Variants in STK32C observed in about 807,000 individuals in gnomAD.
STK32C encodes the protein serine/threonine-protein kinase 32C.
Under a neutral mutation model 56.5 loss-of-function variants are expected in STK32C, and 31 were observed. That is an observed-to-expected ratio of 0.55 (90% confidence interval 0.41 to 0.74). The LOEUF (loss-of-function observed/expected upper bound fraction) is 0.74, where lower values mean the gene tolerates loss of function less well. Ranked by LOEUF, STK32C falls within the 30% of genes least tolerant of loss-of-function variation. The pLI is 0.00. For missense variants in STK32C, 544 were observed against 676.9 expected (o/e 0.80, Z 2.18); for synonymous variants, 309 against 289.4 (o/e 1.07, Z -0.69).
At chr10:132,228,207 T>TGCCTGGGGAC in intron 2 of STK32C, 79 bp from the exon 3 acceptor site, 1 of 1,595,998 alleles carries the variant, frequency 6.3e-7, no homozygotes, top group Non-Finnish European at 8.6e-7. Flanking sequence ...TGCATGGGGA[T>TGCCTGGGGAC]GCCTGGGGAC....
chr10:132,262,894 A>G (rs1461474737), intron 1 of STK32C, among the ~76,000 whole-genome samples: 2 of 151,932 alleles, frequency 1.3e-5, no homozygotes, highest in Non-Finnish European at 2.9e-5. Context: ...ACAATGAGAC[A>G]CCATCTCACA....
chr10:132,222,563 C>T, intron 10 of STK32C, 78 bp downstream of exon 10: 1 of 1,560,484 alleles, frequency 6.4e-7, no homozygotes, highest in Non-Finnish European at 8.6e-7. Context: ...CCAGGGGTCC[C>T]CACACGCCTT....
chr10:132,235,119 ATGAACCGTG>A (rs2063231123), intron 2 of STK32C, among the ~76,000 whole-genome samples: 1 of 152,030 alleles, frequency 6.6e-6, no homozygotes, highest in Non-Finnish European at 1.5e-5. Flanking sequence ...TGTGACTGGT[ATGAACCGTG>A]TGAGTGGTGT....
chr10:132,245,842 A>G, intron 2 of STK32C, 58 bp downstream of exon 2: 1 of 1,544,734 alleles, frequency 6.5e-7, no homozygotes, highest in East Asian at 2.2e-5. Flanking sequence ...AGCATGTCCG[A>G]CTCCACGGTT....
chr10:132,241,726 G>A (rs770773014), intron 2 of STK32C, among the ~76,000 whole-genome samples: 14 of 152,172 alleles, frequency 9.2e-5, no homozygotes, highest in South Asian at 4.1e-4. Context: ...TTCATTCAGG[G>A]GACAGAGCGG....
intron 10 of STK32C, among the ~76,000 whole-genome samples, chr10:132,214,424 A>C (rs2814202): frequency 0.82 from 124,633 of 152,142 alleles, 51,199 homozygotes; most frequent in East Asian, 0.96. Context: ...TGAAATTATT[A>C]TTTAAAGGTG....
chr10:132,247,070 A>AC (rs1267557698), intron 1 of STK32C, among the ~76,000 whole-genome samples: 1 of 152,120 alleles, frequency 6.6e-6, no homozygotes, highest in Non-Finnish European at 1.5e-5. Flanking sequence ...CCCCCTACAC[A>AC]CATGGTTATT....
intron 1 of STK32C, among the ~76,000 whole-genome samples, chr10:132,254,155 A>C (rs2064019590): frequency 6.6e-6 from 1 of 152,150 alleles, no homozygotes; most frequent in Admixed American, 6.5e-5. Context: ...TAAAAATACA[A>C]AAAATTAGCC....
chr10:132,330,242 AAAC>A lies in STK32C; in HGVS notation c.301+1191_301+1193del, dbSNP rs1277546648. The A allele has an allele frequency of 5.4e-6, 3 of 559,978 alleles. No homozygotes were observed. In the African/African-American group the frequency reaches 5.7e-5, roughly 11 times the overall value. 34.7% of individuals were successfully genotyped at this position (559,978 alleles called of 1,614,324 possible). On this transcript the variant is annotated intron_variant, in intron 1 of 1. Coordinates refer to the STK32C transcript ENST00000368619. ...AAATTAATGTAGCATGAAAAATGTG[AAAC>A]AAAAACCTGAGGCAACAATAACAAG...
chr10:132,236,764 C>T (rs867713049), intron 2 of STK32C, among the ~76,000 whole-genome samples: 2 of 152,188 alleles, frequency 1.3e-5, no homozygotes, highest in Non-Finnish European at 1.5e-5. Flanking sequence ...GCCATTCAGA[C>T]ATGTGCCTGC....
Position 132,227,989 on chromosome 10 carries a change from A to T in STK32C, c.458T>A (p.Leu153Gln), listed in dbSNP as rs2062955236. The change falls in exon 3 of 12, where the codon CTG (leucine) becomes CAG (glutamine). Residue 153 changes from leucine (L) to glutamine (Q), a missense_variant. This residue lies in a region of STK32C where 85 missense variants were observed against 149.9 expected (regional missense o/e 0.57). Transcript: ENST00000298630. ...ATGGCAGGCTCACCAGAGGTTCACC[A>T]GGAAGACGTGCTCGATCTCCTGCAG... is the stretch of plus-strand genomic sequence containing the variant. The part of the protein sequence containing the change: ...EILQEIEHVF[L>Q]VNLWYSFQDE... The T allele has an allele frequency of 6.2e-7, 1 of 1,613,280 alleles. No homozygotes were observed.
chr10:132,301,706 G>C (rs910141247), intron 1 of STK32C, among the ~76,000 whole-genome samples: 3 of 152,260 alleles, frequency 2.0e-5, no homozygotes, highest in African/African-American at 7.2e-5. Context: ...TGTGAACCAG[G>C]AGCTGCACGT....
intron 1 of STK32C, among the ~76,000 whole-genome samples, chr10:132,262,912 G>C (rs1392265892): frequency 4.7e-5 from 7 of 148,128 alleles, no homozygotes; most frequent in African/African-American, 1.7e-4. Flanking sequence ...ACACCAGTCA[G>C]GACGACTGTT....
chr10:132,252,141 A>AT (rs2063933016), intron 1 of STK32C, among the ~76,000 whole-genome samples: 1 of 152,262 alleles, frequency 6.6e-6, no homozygotes, highest in African/African-American at 2.4e-5. Flanking sequence ...CGCTAGGGAC[A>AT]TGGCGGCCTG....
chr10:132,230,183 C>T (rs2063042010), intron 2 of STK32C, among the ~76,000 whole-genome samples: 3 of 152,258 alleles, frequency 2.0e-5, no homozygotes, highest in Admixed American at 2.0e-4. Context: ...GAACTTCCTG[C>T]ATTTCCTATG....
chr10:132,221,555 C>T (rs1286272616), intron 10 of STK32C, among the ~76,000 whole-genome samples: 2 of 137,466 alleles, frequency 1.5e-5, no homozygotes, highest in East Asian at 4.4e-4. Context: ...GAGGGCTTCA[C>T]GTGGCCATCC....
Position 132,331,453 on chromosome 10 carries a change from C to CT in STK32C, c.283dup (p.Arg95LysfsTer38). ...ACACTCACTGCGTTTCCTCGCCCCC[C>CT]TCACTCCTCCGTCCAGAGGCAGCCT... is the stretch of plus-strand genomic sequence containing the variant. On this transcript the variant is annotated frameshift_variant, in exon 1 of 2. Coordinates refer to the STK32C transcript ENST00000368619. LOFTEE classifies it low-confidence loss of function (END_TRUNC). 6.2e-7 allele frequency: 1 copy of CT among 1,611,598 alleles called. No homozygotes were observed. The highest frequency in any genetic ancestry group is 8.5e-7 in the Non-Finnish European group (1 of 1,178,920).
intron 1 of STK32C, among the ~76,000 whole-genome samples, chr10:132,253,313 A>AAGCTGGAGGGAGCAGAGGG (rs1236568886): frequency 2.0e-5 from 3 of 152,062 alleles, no homozygotes; most frequent in Non-Finnish European, 2.9e-5. Flanking sequence ...GGGCAAAAGG[A>AAGCTGGAGGGAGCAGAGGG]AGCTGGAGGG....
At chr10:132,213,845 G>A (rs754173022) in intron 10 of STK32C, among the ~76,000 whole-genome samples, 2 of 152,168 alleles carry the variant, frequency 1.3e-5, no homozygotes, top group African/African-American at 2.4e-5. Flanking sequence ...AGGAAATGCT[G>A]GAAGTAGAAA....
Sources: gnomAD v4.1 joint callset for allele counts (sites outside exome capture counted in the v4.1 genomes callset) on GRCh38, gnomAD v4.1.1 for gene constraint, gnomAD v4.1.1 regional missense constraint, MANE v1.5 for transcripts, NCBI Gene and HGNC (gene_info 2026-07-23, HGNC 2026-07-21) for gene names.